LRRIQ1: variants seen among roughly 807,000 people sequenced by gnomAD.
LRRIQ1 encodes the protein leucine-rich repeat- and IQ domain-containing protein 1.
In LRRIQ1, 210 loss-of-function variants were observed where a neutral mutation model predicts 211.9. The ratio of observed to expected loss-of-function variants is 0.99; its 90% CI spans 0.89 to 1.11. The LOEUF is 1.11. LRRIQ1 is among the 50% of genes most tolerant of loss of function. LRRIQ1 has a pLI of 0.00. For synonymous variants in LRRIQ1, 699 were observed against 650.1 expected (o/e 1.08, Z -1.14); for missense variants, 2,136 against 1,939.5 (o/e 1.10, Z -1.90).
intron 24 of LRRIQ1, 115 bp from the exon 25 acceptor site, chr12:85,229,402 A>G: frequency 1.3e-6 from 1 of 792,324 alleles, no homozygotes; most frequent in East Asian, 2.7e-5. Flanking sequence ...TTTAGCTCTC[A>G]TAAGTTAGTA....
chr12:85,210,166 A>G (rs1018207781), intron 24 of LRRIQ1, among the ~76,000 whole-genome samples: 4 of 152,186 alleles, frequency 2.6e-5, no homozygotes, highest in Non-Finnish European at 5.9e-5. Flanking sequence ...TATGAAAATG[A>G]CAAAGCACAA....
intron 11 of LRRIQ1, among the ~76,000 whole-genome samples, chr12:85,093,022 A>G (rs1225717861): frequency 6.6e-6 from 1 of 152,214 alleles, no homozygotes; most frequent in South Asian, 2.1e-4. Flanking sequence ...GGAGAGGATT[A>G]ATGAGTCACC....
At chr12:85,114,135 C>G (rs968924464) in intron 15 of LRRIQ1, among the ~76,000 whole-genome samples, 4 of 151,918 alleles carry the variant, frequency 2.6e-5, no homozygotes, top group African/African-American at 2.4e-5. Flanking sequence ...GGAGCTGGAT[C>G]TTAAAGTGAA....
chr12:85,224,338 C>A (rs562647533), intron 24 of LRRIQ1, among the ~76,000 whole-genome samples: 18 of 150,424 alleles, frequency 1.2e-4, no homozygotes, highest in African/African-American at 4.1e-4. Context: ...GACAGTGTGG[C>A]AATCTAGAAC....
At chr12:85,174,509 A>G (rs1891583067) in intron 24 of LRRIQ1, among the ~76,000 whole-genome samples, 1 of 151,190 alleles carries the variant, frequency 6.6e-6, no homozygotes, top group Non-Finnish European at 1.5e-5. Flanking sequence ...AGCCTGGCCA[A>G]CATGGCAAAA....
chr12:85,127,858 A>G lies in LRRIQ1; in HGVS notation c.4034A>G (p.Tyr1345Cys), dbSNP rs1398877768. The change falls in exon 18 of 27, where the codon TAC (tyrosine) becomes TGC (cysteine). Residue 1345 changes from tyrosine (Y) to cysteine (C), a missense_variant. Transcript: ENST00000393217. ...ATGGCAGCTGTGGTAATCCAGTCAT[A>G]CTGGCGTGGTTACCTCATGCGCAGA... is the stretch of plus-strand genomic sequence containing the variant. ...KIMAAVVIQS[Y>C]WRGYLMRRQT... 3 of 1,613,822 alleles carry G rather than the reference A, an allele frequency of 1.9e-6. No homozygotes were observed. Among genetic ancestry groups the G allele is most frequent in the African/African-American group, 1.3e-5 (1 of 74,860 alleles).
chr12:85,206,410 G>C (rs1893547321), intron 24 of LRRIQ1, among the ~76,000 whole-genome samples: 1 of 152,182 alleles, frequency 6.6e-6, no homozygotes, highest in Non-Finnish European at 1.5e-5. Context: ...AGGGCCACTG[G>C]TGTCTGTGTT....
chr12:85,100,038 C>A (rs149911928), intron 13 of LRRIQ1, among the ~76,000 whole-genome samples: 79 of 151,848 alleles, frequency 5.2e-4, no homozygotes, highest in African/African-American at 1.9e-3. Context: ...TCACAAACTC[C>A]TTGGATCTTT....
intron 15 of LRRIQ1, among the ~76,000 whole-genome samples, chr12:85,109,817 C>G (rs1166814030): frequency 6.6e-6 from 1 of 152,074 alleles, no homozygotes; most frequent in African/African-American, 2.4e-5. Context: ...CTGTGTGATC[C>G]TGGACAAGTA....
intron 17 of LRRIQ1, 87 bp from the exon 18 acceptor site, chr12:85,127,745 A>T: frequency 9.2e-7 from 1 of 1,089,196 alleles, no homozygotes; most frequent in Non-Finnish European, 1.4e-6. Context: ...TCTTTGTTTA[A>T]AATCTTGTTT....
chr12:85,148,582 G>C (rs1890039632), intron 19 of LRRIQ1, among the ~76,000 whole-genome samples: 1 of 151,896 alleles, frequency 6.6e-6, no homozygotes, highest in Non-Finnish European at 1.5e-5. Context: ...CCATGACTTT[G>C]CTATTATAAA....
chr12:85,080,682 T>TA (rs1318686801), intron 11 of LRRIQ1, among the ~76,000 whole-genome samples: 4 of 151,438 alleles, frequency 2.6e-5, no homozygotes, highest in South Asian at 4.2e-4. Flanking sequence ...TTTTTTTTTT[T>TA]ACTTGACATT....
chr12:85,191,875 C>G (rs967919294), intron 24 of LRRIQ1, among the ~76,000 whole-genome samples: 2 of 151,878 alleles, frequency 1.3e-5, no homozygotes, highest in African/African-American at 4.8e-5. Flanking sequence ...ACATATGATA[C>G]TGAGCATCTT....
chr12:85,208,138 C>T (rs555981544), intron 24 of LRRIQ1, among the ~76,000 whole-genome samples: 5 of 151,124 alleles, frequency 3.3e-5, no homozygotes, highest in Non-Finnish European at 5.9e-5. Context: ...TCTGGCTAAT[C>T]GATGCACTGT....
At chr12:85,107,993 C>A (rs774222711) in intron 15 of LRRIQ1, among the ~76,000 whole-genome samples, 101 of 152,090 alleles carry the variant, frequency 6.6e-4, no homozygotes, top group Non-Finnish European at 1.3e-3. Context: ...TCTGTTCTTT[C>A]CATCATCTCT....
chr12:85,250,814 TA>T (rs1408387554), intron 1 of LRRIQ1, among the ~76,000 whole-genome samples: 4 of 116,050 alleles, frequency 3.4e-5, no homozygotes, highest in Non-Finnish European at 6.8e-5. Context: ...TTATATTATA[TA>T]TAATATATAT....
At chr12:85,207,506 CA>C (rs1434937711) in intron 24 of LRRIQ1, among the ~76,000 whole-genome samples, 1 of 152,284 alleles carries the variant, frequency 6.6e-6, no homozygotes, top group South Asian at 2.1e-4. Context: ...GTCTTTCACA[CA>C]GAAGCATTTT....
At chr12:85,240,456 G>A (rs1365374392) in intron 26 of LRRIQ1, among the ~76,000 whole-genome samples, 1 of 152,078 alleles carries the variant, frequency 6.6e-6, no homozygotes, top group Non-Finnish European at 1.5e-5. Context: ...TTCTTATAAA[G>A]TTAAATATAC....
chr12:85,187,400 A>G (rs1212405631), intron 24 of LRRIQ1, among the ~76,000 whole-genome samples: 2 of 152,168 alleles, frequency 1.3e-5, no homozygotes, highest in Non-Finnish European at 2.9e-5. Flanking sequence ...TGTCCACCAG[A>G]TCAGTGGTTT....
Sources: allele counts gnomAD v4.1 joint callset (sites outside exome capture counted in the v4.1 genomes callset), GRCh38; gene constraint gnomAD v4.1.1; transcripts MANE v1.5; gene names NCBI Gene and HGNC (gene_info 2026-07-23, HGNC 2026-07-21).